CALCRL: variants seen among roughly 807,000 people sequenced by gnomAD.
The protein encoded by CALCRL is calcitonin receptor like receptor.
Under a neutral mutation model 60.4 loss-of-function variants are expected in CALCRL, and 27 were observed. That is an observed-to-expected ratio of 0.45 (90% CI 0.33 to 0.62). CALCRL has a LOEUF of 0.62. Ranked by LOEUF, CALCRL falls within the 20% of genes least tolerant of loss-of-function variation. The probability of loss-of-function intolerance (pLI) is 0.03; values close to 1 mark genes in which losing one functional copy is unlikely to be tolerated. For synonymous variants in CALCRL, 190 were observed against 182.6 expected (o/e 1.04, Z -0.33); for missense variants, 424 against 540.7 (o/e 0.78, Z 2.14).
In CALCRL at chr2:187,352,130, A is replaced by T; in HGVS notation, c.1112T>A (p.Ile371Asn). ...ATGCCATACCTGGAAGTGCATAAGG[A>T]TGTGCATGATGTAGTCATATACCTC... ...AEEVYDYIMH[I>N]LMHFQGLLVS... is the part of the protein sequence containing the mutation. The change falls in exon 13 of 15, where the codon ATC (isoleucine) becomes AAC (asparagine). Residue 371 changes from isoleucine to asparagine, a missense_variant. Ile to Asn is a moderately radical substitution (Grantham distance 149). Coordinates refer to ENST00000392370, the MANE Select transcript of CALCRL (RefSeq NM_005795.6). 6.2e-7 allele frequency: 1 copy of T among 1,611,926 alleles called. No homozygotes were observed. Among genetic ancestry groups the T allele is most frequent in the Non-Finnish European group, 8.5e-7 (1 of 1,178,504 alleles).
At chr2:187,434,260 T>C (rs1402321437) in intron 1 of CALCRL, among the ~76,000 whole-genome samples, 1 of 152,132 alleles carries the variant, frequency 6.6e-6, no homozygotes, top group African/African-American at 2.4e-5. Flanking sequence ...CAAAGAGAGA[T>C]ACTTAATCCT....
intron 1 of CALCRL, among the ~76,000 whole-genome samples, chr2:187,410,810 G>T (rs957188839): frequency 3.3e-5 from 5 of 152,038 alleles, no homozygotes; most frequent in Non-Finnish European, 7.4e-5. Flanking sequence ...TTGATAATCT[G>T]TGCCTTTGTA....
chr2:187,356,801 TA>T (rs1257680948), intron 12 of CALCRL, among the ~76,000 whole-genome samples: 1 of 151,996 alleles, frequency 6.6e-6, no homozygotes, highest in African/African-American at 2.4e-5. Context: ...TAAACAAATT[TA>T]CAAGAAATAA....
intron 14 of CALCRL, among the ~76,000 whole-genome samples, chr2:187,347,630 C>A (rs554718234): frequency 6.6e-6 from 1 of 151,806 alleles, no homozygotes; most frequent in East Asian, 1.9e-4. Context: ...GATTAAAACA[C>A]ACACACACAC....
chr2:187,383,310 G>A lies in CALCRL; in HGVS notation c.52-5C>T. On this transcript the variant is annotated splice_region_variant and splice_polypyrimidine_tract_variant and intron_variant, in intron 4 of 14. Coordinates refer to ENST00000392370, the MANE Select transcript of CALCRL (RefSeq NM_005795.6). ...TAATTCTGCTGTAACAAGAATCTAA[G>A]GGATTAAAAAAACAACAACATCAAC... The A allele has an allele frequency of 1.3e-6, 2 of 1,580,744 alleles. No individual in the cohort carries two copies. The highest frequency in any genetic ancestry group is 1.2e-5 in the South Asian group (1 of 84,884).
At chr2:187,403,991 T>G (rs77895136) in intron 1 of CALCRL, among the ~76,000 whole-genome samples, 5,883 of 151,986 alleles carry the variant, frequency 0.039, 366 homozygotes, top group African/African-American at 0.13. Flanking sequence ...GCAAATCCAT[T>G]TCAGTGAGCC....
chr2:187,377,678 GTTT>G (rs1040367418), intron 8 of CALCRL, among the ~76,000 whole-genome samples: 2 of 152,032 alleles, frequency 1.3e-5, no homozygotes, highest in African/African-American at 4.8e-5. Flanking sequence ...CCATTGCAGT[GTTT>G]TTTAATTGAA....
intron 12 of CALCRL, among the ~76,000 whole-genome samples, chr2:187,356,383 C>T (rs1236260915): frequency 6.6e-6 from 1 of 152,098 alleles, no homozygotes; most frequent in Non-Finnish European, 1.5e-5. Context: ...TTTCACAAAC[C>T]TGACAAAAAC....
rs1482636006 is a variant in CALCRL at position 187,400,193 on chromosome 2, C to G, written c.-292-12437G>C. Among the ~76,000 whole-genome samples the G allele has an allele frequency of 3.3e-5, 5 of 151,120 alleles. No individual in the cohort carries two copies. In the East Asian group the frequency reaches 9.7e-4, roughly 29 times the overall value. ...ACATTGTATGTATTGAAATATCACC[C>G]CATAAATAGGTAAAATTATTATGTG... On this transcript the variant is annotated intron_variant, in intron 1 of 14. Coordinates refer to ENST00000392370, the MANE Select transcript of CALCRL (RefSeq NM_005795.6).
At chr2:187,393,453 G>A (rs1688532322) in intron 1 of CALCRL, among the ~76,000 whole-genome samples, 1 of 152,018 alleles carries the variant, frequency 6.6e-6, no homozygotes, top group Non-Finnish European at 1.5e-5. Flanking sequence ...AGTGTTCCCA[G>A]GCATTATTAA....
intron 1 of CALCRL, among the ~76,000 whole-genome samples, chr2:187,416,897 C>T (rs914825349): frequency 2.0e-5 from 3 of 151,994 alleles, no homozygotes; most frequent in African/African-American, 7.2e-5. Context: ...ATAATGTGGT[C>T]CTTCAATCTG....
chr2:187,381,194 AT>A (rs140413632), intron 5 of CALCRL, among the ~76,000 whole-genome samples: 2,881 of 152,168 alleles, frequency 0.019, 87 homozygotes, highest in African/African-American at 0.065. Context: ...AGGTGTTAGT[AT>A]TTTCTGAAGC....
At position 187,345,128 on chromosome 2, in the gene CALCRL, T is replaced by TA. The variant is rs1202522751; in HGVS notation, c.*1055dup. 2.6e-5 allele frequency: 4 copies of TA among 152,280 alleles called. No homozygotes were observed. The highest frequency in any genetic ancestry group is 2.1e-4 in the South Asian group (1 of 4,824). 9.4% of individuals were successfully genotyped at this position (152,280 alleles called of 1,614,324 possible). A position where few individuals can be genotyped will look rare whatever the true frequency, so the allele number is the denominator to read the frequency against. On this transcript the variant is annotated 3_prime_UTR_variant, in exon 15 of 15. Transcript: ENST00000392370. ...ATAGCATTCCAGACTCTATTTTATT[T>TA]AAAAAATCAGCCCAGATACAGTATC...
chr2:187,421,815 A>C (rs1689883821), intron 1 of CALCRL, among the ~76,000 whole-genome samples: 1 of 152,210 alleles, frequency 6.6e-6, no homozygotes, highest in African/African-American at 2.4e-5. Context: ...CATAGACACC[A>C]TGCCACCCTT....
In CALCRL at chr2:187,447,325, T is replaced by A. The variant is rs568335352; in HGVS notation, c.-293+714A>T. ...AAGTTGAAGTATTCTCTTAAAGATT[T>A]CAAAATTAAGAATTGTTTTAAAAAT... is the stretch of plus-strand genomic sequence containing the variant. On this transcript the variant is annotated intron_variant, in intron 1 of 14. Transcript: ENST00000392370. Among the ~76,000 whole-genome samples, 53 of 152,036 alleles carry A rather than the reference T, an allele frequency of 3.5e-4. No individual in the cohort carries two copies. In the South Asian group the frequency reaches 0.011, roughly 32 times the overall value.
At chr2:187,387,797 T>C in intron 1 of CALCRL, 41 bp from the exon 2 acceptor site, 1 of 392,326 alleles carries the variant, frequency 2.5e-6, no homozygotes, top group East Asian at 3.6e-5. Context: ...ATTATGCTAA[T>C]GACCAAAATT....
chr2:187,366,249 CAAAAAAAAA>C (rs59586461), intron 8 of CALCRL, among the ~76,000 whole-genome samples: 1 of 94,630 alleles, frequency 1.1e-5, no homozygotes, highest in African/African-American at 4.5e-5. Context: ...GACTCCGTCT[CAAAAAAAAA>C]AAAAAAAAAA....
chr2:187,401,901 A>G (rs1688902559), intron 1 of CALCRL, among the ~76,000 whole-genome samples: 1 of 151,322 alleles, frequency 6.6e-6, no homozygotes, highest in African/African-American at 2.4e-5. Flanking sequence ...GAGCTATTAC[A>G]TGGTGAAAGA....
At chr2:187,405,957 AGG>A (rs1315961063) in intron 1 of CALCRL, among the ~76,000 whole-genome samples, 2 of 86,786 alleles carry the variant, frequency 2.3e-5, no homozygotes, top group African/African-American at 4.5e-5. Flanking sequence ...GTCTGTATGT[AGG>A]GGTGTGTGTG....
Sources: gnomAD v4.1 joint callset for allele counts (sites outside exome capture counted in the v4.1 genomes callset) on GRCh38, gnomAD v4.1.1 for gene constraint, MANE v1.5 for transcripts, NCBI Gene and HGNC (gene_info 2026-07-23, HGNC 2026-07-21) for gene names.